Variants in LRMDA observed in about 807,000 individuals in gnomAD.
LRMDA encodes leucine-rich melanocyte differentiation-associated protein.
LRMDA carries 18 observed loss-of-function variants against 29.8 expected under a neutral mutation model. That is an observed-to-expected ratio of 0.60 (90% CI 0.42 to 0.90). The LOEUF (loss-of-function observed/expected upper bound fraction) is 0.90, where lower values mean the gene tolerates loss of function less well. LRMDA is among the 40% of genes least tolerant of loss of function. The probability of loss-of-function intolerance (pLI) is 0.00; values close to 1 mark genes in which losing one functional copy is unlikely to be tolerated. For missense variants in LRMDA, 273 were observed against 273.9 expected (o/e 1.00, Z 0.02); for synonymous variants, 125 against 109.4 (o/e 1.14, Z -0.89).
intron 6 of LRMDA, among the ~76,000 whole-genome samples, chr10:76,513,402 A>G (rs2637247): frequency 6.6e-6 from 1 of 151,820 alleles, no homozygotes; most frequent in Admixed American, 6.6e-5. Context: ...CCCACCACTC[A>G]CTTTTATTTA....
Position 76,512,362 on chromosome 10 carries a change from C to T in LRMDA, c.602-44847C>T, listed in dbSNP as rs571829119. On this transcript the variant is annotated intron_variant, in intron 6 of 6. Transcript: ENST00000611255. ...AAACAGTTATGAAGAAAGTATAGTA[C>T]TAGTATGAGGATAAATGTATAGATC... Among the ~76,000 whole-genome samples the T allele has an allele frequency of 3.3e-5, 5 of 152,188 alleles. No homozygotes were observed. The South Asian group carries it at 6.2e-4, about 19-fold the overall frequency.
Position 76,069,691 on chromosome 10 carries a change from G to A in LRMDA, c.516+10908G>A, listed in dbSNP as rs572433761. Among the ~76,000 whole-genome samples the A allele has an allele frequency of 1.1e-4, 16 of 151,002 alleles. No homozygotes were observed. The South Asian group carries it at 1.9e-3, about 18-fold the overall frequency. On this transcript the variant is annotated intron_variant, in intron 5 of 6. Coordinates refer to ENST00000611255, the MANE Select transcript of LRMDA (RefSeq NM_001305581.2). ...TAACTCTTGAGTGAAATTTAGAAGT[G>A]AGTCACCTCTTCTTTTTTTGTTGAG...
At chr10:75,588,079 C>T (rs1157756522) in intron 2 of LRMDA, among the ~76,000 whole-genome samples, 1 of 152,102 alleles carries the variant, frequency 6.6e-6, no homozygotes, top group Non-Finnish European at 1.5e-5. Flanking sequence ...TGATCTGGTT[C>T]TTTTGTTCAC....
chr10:75,659,875 G>A (rs925944225), intron 2 of LRMDA, among the ~76,000 whole-genome samples: 7 of 151,980 alleles, frequency 4.6e-5, no homozygotes, highest in Admixed American at 6.5e-5. Context: ...CAACAAAGAG[G>A]GAGAAAACCA....
chr10:76,159,447 A>G (rs956531115), intron 5 of LRMDA, among the ~76,000 whole-genome samples: 2 of 152,194 alleles, frequency 1.3e-5, no homozygotes, highest in African/African-American at 2.4e-5. Flanking sequence ...AAACAAAATG[A>G]GACAGCCACT....
At chr10:76,380,742 TA>T (rs1162508710) in intron 6 of LRMDA, among the ~76,000 whole-genome samples, 4 of 151,350 alleles carry the variant, frequency 2.6e-5, no homozygotes, top group East Asian at 3.9e-4. Flanking sequence ...ATAAAGTGCT[TA>T]AAAAGTGTTA....
intron 2 of LRMDA, among the ~76,000 whole-genome samples, chr10:75,987,802 T>C (rs1221913185): frequency 6.6e-6 from 1 of 152,216 alleles, no homozygotes; most frequent in Non-Finnish European, 1.5e-5. Context: ...GAGGGAGCAC[T>C]GGGCAGCCCA....
rs541321132 is a variant in LRMDA at position 76,031,909 on chromosome 10, C to T, written c.132-4099C>T. Among the ~76,000 whole-genome samples the T allele has an allele frequency of 9.9e-5, 15 of 152,266 alleles. No homozygotes were observed. In the South Asian group the frequency reaches 1.7e-3, roughly 17 times the overall value. ...TCTGTGGTCAGCTATTCCCCATGTTCGCTGCCCATCTCATGTTGGTGCAGC... is the reference window on the plus strand; with the variant it reads ...TCTGTGGTCAGCTATTCCCCATGTTTGCTGCCCATCTCATGTTGGTGCAGC... On this transcript the variant is annotated intron_variant, in intron 2 of 6. Coordinates refer to ENST00000611255, the MANE Select transcript of LRMDA (RefSeq NM_001305581.2).
chr10:76,255,193 A>G (rs1403043457), intron 5 of LRMDA, among the ~76,000 whole-genome samples: 3 of 152,148 alleles, frequency 2.0e-5, no homozygotes, highest in Non-Finnish European at 4.4e-5. Flanking sequence ...TTTTTTCTCT[A>G]TGAAGAATAA....
chr10:76,371,968 G>A (rs1400801735), intron 6 of LRMDA, among the ~76,000 whole-genome samples: 1 of 152,104 alleles, frequency 6.6e-6, no homozygotes, highest in South Asian at 2.1e-4. Context: ...ACAAGGCAAG[G>A]TCCAAGACTA....
chr10:75,732,815 G>C (rs1842715874), intron 2 of LRMDA, among the ~76,000 whole-genome samples: 1 of 152,170 alleles, frequency 6.6e-6, no homozygotes, highest in African/African-American at 2.4e-5. Flanking sequence ...AGAAGGTGGA[G>C]GGCACACTGT....
At chr10:76,203,311 G>A (rs1430224623) in intron 5 of LRMDA, among the ~76,000 whole-genome samples, 1 of 152,118 alleles carries the variant, frequency 6.6e-6, no homozygotes, top group Non-Finnish European at 1.5e-5. Flanking sequence ...TAAAAAAAAT[G>A]TTTTTGAATA....
rs73283332 is a variant in LRMDA, at chr10:76,093,531, T to C, written c.516+34748T>C. Among the ~76,000 whole-genome samples, 955 of 152,262 alleles carry C rather than the reference T, an allele frequency of 6.3e-3. 10 individuals are homozygous for C. The highest frequency in any genetic ancestry group is 0.022 in the African/African-American group (920 of 41,564). Reference sequence around the variant, plus strand: ...AAAATAAAAGAAAGAAAATCAAGCCTTGTCGAATGTTGTTACCACCTCCTC... The same window carrying C: ...AAAATAAAAGAAAGAAAATCAAGCCCTGTCGAATGTTGTTACCACCTCCTC... On this transcript the variant is annotated intron_variant, in intron 5 of 6. Coordinates refer to ENST00000611255, the MANE Select transcript of LRMDA (RefSeq NM_001305581.2).
intron 2 of LRMDA, among the ~76,000 whole-genome samples, chr10:75,576,703 A>G (rs971941873): frequency 1.3e-5 from 2 of 152,202 alleles, no homozygotes; most frequent in Non-Finnish European, 2.9e-5. Context: ...ACAGGCAGCA[A>G]TCTTTGCTGT....
At chr10:76,348,839 T>C (rs1841140465) in intron 6 of LRMDA, among the ~76,000 whole-genome samples, 1 of 152,204 alleles carries the variant, frequency 6.6e-6, no homozygotes, top group African/African-American at 2.4e-5. Context: ...TGCAGCAAAC[T>C]GTGACATTTG....
chr10:75,893,196 A>G (rs1845523566), intron 2 of LRMDA, among the ~76,000 whole-genome samples: 1 of 152,114 alleles, frequency 6.6e-6, no homozygotes, highest in Admixed American at 6.5e-5. Flanking sequence ...GCTACTGGAC[A>G]CCTACTGTTT....
chr10:75,848,866 A>C (rs920596039), intron 2 of LRMDA, among the ~76,000 whole-genome samples: 1 of 151,954 alleles, frequency 6.6e-6, no homozygotes, highest in Non-Finnish European at 1.5e-5. Flanking sequence ...CCTTAGACCC[A>C]TTCTTGCCCA....
intron 2 of LRMDA, among the ~76,000 whole-genome samples, chr10:75,610,062 C>T (rs1841008284): frequency 6.6e-6 from 1 of 152,008 alleles, no homozygotes. Context: ...AACTGGTGAA[C>T]ATACTTAATT....
chr10:76,495,521 C>G (rs1197412681), intron 6 of LRMDA, among the ~76,000 whole-genome samples: 1 of 151,734 alleles, frequency 6.6e-6, no homozygotes, highest in Non-Finnish European at 1.5e-5. Context: ...TATAAAGAAT[C>G]TTATTGACAA....
Sources: allele counts gnomAD v4.1 joint callset (sites outside exome capture counted in the v4.1 genomes callset), GRCh38; gene constraint gnomAD v4.1.1; transcripts MANE v1.5; gene names NCBI Gene and HGNC (gene_info 2026-07-23, HGNC 2026-07-21).